The following PTPN22 variants were observed in gnomAD, a reference collection of about 807,000 sequenced individuals.
PTPN22 encodes the protein tyrosine-protein phosphatase non-receptor type 22.
In PTPN22, 85 loss-of-function variants were observed where a neutral mutation model predicts 103.3. The observed-to-expected ratio is 0.82, with a 90% CI of 0.69 to 0.99. The LOEUF is 0.99. PTPN22 is among the 50% of genes least tolerant of loss of function. The probability of loss-of-function intolerance (pLI) is 0.00; values close to 1 mark genes in which losing one functional copy is unlikely to be tolerated. For synonymous variants in PTPN22, 323 were observed against 310.2 expected, an observed-to-expected ratio of 1.04 and a Z score of -0.43; for missense variants, 865 against 936.9, an observed-to-expected ratio of 0.92 and a Z score of 1.00.
chr1:113,863,689 A>G lies in PTPN22; in HGVS notation c.88-4229T>C, dbSNP rs529370014. Reference sequence around the variant, plus strand: ...TAACTGTTTGGTTAGTATCATTACTATAATATACACAGAACCAGGATGTAT... The same window carrying G: ...TAACTGTTTGGTTAGTATCATTACTGTAATATACACAGAACCAGGATGTAT... On this transcript the variant is annotated intron_variant, in intron 1 of 20. Transcript: ENST00000359785. Among the ~76,000 whole-genome samples, 94 of 152,270 alleles carry G rather than the reference A, an allele frequency of 6.2e-4. 1 individual carries two copies. The highest frequency in any genetic ancestry group is 1.2e-3 in the Non-Finnish European group (79 of 68,020).
exon 3 of PTPN22, chr1:113,859,056 T>C: frequency 6.2e-7 from 1 of 1,613,994 alleles, no homozygotes; most frequent in South Asian, 1.1e-5. Context: ...TTATCAGGGA[T>C]AGTTCTACCC....
At chr1:113,859,924 C>A (rs1665415434) in intron 1 of PTPN22, among the ~76,000 whole-genome samples, 3 of 148,652 alleles carry the variant, frequency 2.0e-5, no homozygotes, top group South Asian at 2.1e-4. Context: ...CTATATCTAG[C>A]AAAATTTCAA....
intron 1 of PTPN22, among the ~76,000 whole-genome samples, chr1:113,865,916 G>A (rs1409929852): frequency 1.3e-5 from 2 of 152,190 alleles, no homozygotes; most frequent in Non-Finnish European, 2.9e-5. Flanking sequence ...TTAATCCAAG[G>A]TCACATAGCT....
At chr1:113,868,835 A>C (rs1478885626) in intron 1 of PTPN22, among the ~76,000 whole-genome samples, 1 of 152,110 alleles carries the variant, frequency 6.6e-6, no homozygotes, top group Non-Finnish European at 1.5e-5. Flanking sequence ...TTATAATTAT[A>C]CTTAAATGTT....
chr1:113,852,481 A>G (rs1664656690), intron 9 of PTPN22, among the ~76,000 whole-genome samples: 1 of 152,254 alleles, frequency 6.6e-6, no homozygotes, highest in Non-Finnish European at 1.5e-5. Flanking sequence ...ACATTAAAAA[A>G]TGATTTATAG....
At chr1:113,823,230 C>T (rs1661770134) in intron 19 of PTPN22, 2 of 152,156 alleles carry the variant, frequency 1.3e-5, no homozygotes, top group African/African-American at 4.8e-5. Context: ...ATAGTAGACA[C>T]TCAACAAATA....
chr1:113,815,687 T>G (rs1571323238), intron 20 of PTPN22, among the ~76,000 whole-genome samples: 2 of 152,232 alleles, frequency 1.3e-5, no homozygotes, highest in Admixed American at 1.3e-4. Flanking sequence ...TGTTTGTTTG[T>G]TTTTTGTCTG....
intron 13 of PTPN22, among the ~76,000 whole-genome samples, chr1:113,836,148 AAAT>A (rs1051846865): frequency 2.6e-5 from 4 of 152,236 alleles, no homozygotes; most frequent in African/African-American, 9.6e-5. Flanking sequence ...ACTCTACAAT[AAAT>A]AATGTTATAG....
At chr1:113,855,094 A>G in intron 7 of PTPN22, 45 bp from the exon 8 acceptor site, 1 of 1,517,626 alleles carries the variant, frequency 6.6e-7, no homozygotes, top group African/African-American at 1.4e-5. Flanking sequence ...GCAAGGGCTG[A>G]AAAACCACCT....
intron 13 of PTPN22, among the ~76,000 whole-genome samples, chr1:113,835,333 G>A (rs1312871911): frequency 6.6e-6 from 1 of 152,000 alleles, no homozygotes. Context: ...CCTGGCTAAC[G>A]TGGTGAAACC....
exon 4 of PTPN22, chr1:113,858,549 TATAAGCCTTGGGTCC>T: frequency 6.2e-7 from 1 of 1,600,220 alleles, no homozygotes; most frequent in Non-Finnish European, 8.5e-7. Flanking sequence ...TGGGTGGCAA[TATAAGCCTTGGGTCC>T]ATAAACTCCC....
At chr1:113,834,382 C>A in exon 15 of PTPN22, 1 of 1,613,532 alleles carries the variant, frequency 6.2e-7, no homozygotes, top group Non-Finnish European at 8.5e-7. Context: ...CAGTGATGTT[C>A]CAATTTTTAC....
chr1:113,826,659 ATTTTTTTTTTT>A (rs10563752), intron 18 of PTPN22, among the ~76,000 whole-genome samples: 3 of 63,112 alleles, frequency 4.8e-5, no homozygotes, highest in South Asian at 1.7e-3. Flanking sequence ...GGAGTCTCTA[ATTTTTTTTTTT>A]TTTTTTTTTT....
intron 1 of PTPN22, among the ~76,000 whole-genome samples, chr1:113,865,790 CTG>C (rs1392642335): frequency 6.6e-6 from 1 of 152,120 alleles, no homozygotes; most frequent in Non-Finnish European, 1.5e-5. Context: ...CTAGAAATAA[CTG>C]TTTAACAATG....
At chr1:113,855,260 C>T (rs985870456) in intron 7 of PTPN22, among the ~76,000 whole-genome samples, 2 of 151,910 alleles carry the variant, frequency 1.3e-5, no homozygotes, top group Non-Finnish European at 2.9e-5. Context: ...TTTGGGAGGC[C>T]GAAGCAGGCA....
intron 19 of PTPN22, among the ~76,000 whole-genome samples, chr1:113,822,803 TA>T (rs1163317731): frequency 6.6e-6 from 1 of 152,018 alleles, no homozygotes; most frequent in African/African-American, 2.4e-5. Flanking sequence ...CTACTAAAAA[TA>T]CAAAAATTAG....
chr1:113,863,577 T>C (rs950625662), intron 1 of PTPN22, among the ~76,000 whole-genome samples: 3 of 152,208 alleles, frequency 2.0e-5, no homozygotes, highest in East Asian at 3.8e-4. Flanking sequence ...CTGATAAATA[T>C]GTTCAAGTGA....
intron 1 of PTPN22, among the ~76,000 whole-genome samples, chr1:113,861,338 T>G (rs1362832198): frequency 6.6e-6 from 1 of 152,132 alleles, no homozygotes; most frequent in Non-Finnish European, 1.5e-5. Context: ...CCACCCAGGT[T>G]CAAGCAATTC....
intron 1 of PTPN22, among the ~76,000 whole-genome samples, chr1:113,869,740 G>A (rs770005455): frequency 1.4e-4 from 21 of 152,146 alleles, no homozygotes; most frequent in Middle Eastern, 3.4e-3. Context: ...AACAGAGGCC[G>A]GCACTGCCCC....
Sources: gnomAD v4.1 joint callset for allele counts (sites outside exome capture counted in the v4.1 genomes callset) on GRCh38, gnomAD v4.1.1 for gene constraint, MANE v1.5 for transcripts, NCBI Gene and HGNC (gene_info 2026-07-23, HGNC 2026-07-21) for gene names.